The following TRAT1 variants were observed in gnomAD, a reference collection of about 807,000 sequenced individuals.
The protein encoded by TRAT1 is T cell receptor associated transmembrane adaptor 1, also known as T-cell receptor-associated transmembrane adapter 1.
In TRAT1, 20 loss-of-function variants were observed where a neutral mutation model predicts 20.0. That is an observed-to-expected ratio of 1.00 (90% CI 0.70 to 1.45). The LOEUF is 1.45. Among genes scored for constraint, TRAT1 ranks in the 40% most tolerant of loss-of-function variants. The probability of loss-of-function intolerance (pLI) is 0.00; values close to 1 mark genes in which losing one functional copy is unlikely to be tolerated. For synonymous variants in TRAT1, 77 were observed against 74.2 expected (o/e 1.04, Z -0.20); for missense variants, 237 against 224.1 (o/e 1.06, Z -0.37).
At chr3:108,835,044 AAAG>A (rs1162763846) in intron 2 of TRAT1, among the ~76,000 whole-genome samples, 5 of 152,136 alleles carry the variant, frequency 3.3e-5, no homozygotes, top group Admixed American at 6.5e-5. Flanking sequence ...TCTGGTTTGG[AAAG>A]AAGGATAAAC....
intron 5 of TRAT1, 132 bp from the exon 6 acceptor site, chr3:108,853,488 T>C: frequency 9.6e-7 from 1 of 1,046,436 alleles, no homozygotes; most frequent in East Asian, 2.4e-5. Flanking sequence ...TTTTTTGTAC[T>C]GACAAATTTG....
chr3:108,837,656 G>C (rs1945851766), intron 2 of TRAT1, among the ~76,000 whole-genome samples: 1 of 152,176 alleles, frequency 6.6e-6, no homozygotes, highest in Non-Finnish European at 1.5e-5. Flanking sequence ...CAGAGAGTTA[G>C]ATAATAGTGG....
chr3:108,828,766 T>C (rs1291025760), intron 1 of TRAT1, among the ~76,000 whole-genome samples: 1 of 152,232 alleles, frequency 6.6e-6, no homozygotes, highest in East Asian at 1.9e-4. Flanking sequence ...GATTTTATTT[T>C]CTGACTACAA....
At chr3:108,841,004 G>A (rs1273197806) in intron 3 of TRAT1, among the ~76,000 whole-genome samples, 1 of 152,236 alleles carries the variant, frequency 6.6e-6, no homozygotes, top group Non-Finnish European at 1.5e-5. Flanking sequence ...AAGCACTGAA[G>A]GATATCCTGT....
intron 3 of TRAT1, among the ~76,000 whole-genome samples, chr3:108,842,995 T>C (rs1945908464): frequency 6.6e-6 from 1 of 152,214 alleles, no homozygotes; most frequent in Non-Finnish European, 1.5e-5. Context: ...CTAGGATTTA[T>C]ATTCTTCCTC....
intron 3 of TRAT1, among the ~76,000 whole-genome samples, chr3:108,844,992 G>A (rs1207420458): frequency 6.6e-6 from 1 of 151,994 alleles, no homozygotes; most frequent in Non-Finnish European, 1.5e-5. Context: ...ATTATTTCAG[G>A]CATGTTCAGA....
In TRAT1 at chr3:108,822,815, T is replaced by C; in HGVS notation, c.-113T>C. ...CAGATAAAGATAAGTTTTACTGTCATGCTGCTTTTAACATAACAGAGCAAC... is the reference window on the plus strand; with the variant it reads ...CAGATAAAGATAAGTTTTACTGTCACGCTGCTTTTAACATAACAGAGCAAC... On this transcript the variant is annotated 5_prime_UTR_variant, in exon 1 of 6. An upstream start codon of the reference 5' UTR is lost. Transcript: ENST00000295756. 2.4e-6 allele frequency: 2 copies of C among 819,542 alleles called. No individual in the cohort carries two copies. The highest frequency in any genetic ancestry group is 4.0e-6 in the Non-Finnish European group (2 of 495,184). The allele number at this position is 819,542 out of a possible 1,614,324, so 50.8% of individuals were successfully genotyped here. A position where few individuals can be genotyped will look rare whatever the true frequency, so the allele number is the denominator to read the frequency against.
intron 2 of TRAT1, among the ~76,000 whole-genome samples, chr3:108,833,461 T>G (rs1464653870): frequency 1.3e-5 from 2 of 152,132 alleles, no homozygotes; most frequent in Non-Finnish European, 2.9e-5. Flanking sequence ...ATTTTGTTAT[T>G]TCAGGACAGA....
chr3:108,826,282 T>C (rs1945738341), intron 1 of TRAT1, among the ~76,000 whole-genome samples: 1 of 151,952 alleles, frequency 6.6e-6, no homozygotes. Context: ...TGAAAATAGG[T>C]ATCCAAAGCT....
At chr3:108,845,665 T>C (rs1945935888) in intron 3 of TRAT1, among the ~76,000 whole-genome samples, 1 of 152,220 alleles carries the variant, frequency 6.6e-6, no homozygotes, top group Admixed American at 6.5e-5. Flanking sequence ...TTCAGTGGCA[T>C]AGAGAGTAAT....
chr3:108,835,688 C>A (rs1220712107), intron 2 of TRAT1, among the ~76,000 whole-genome samples: 1 of 152,140 alleles, frequency 6.6e-6, no homozygotes, highest in Non-Finnish European at 1.5e-5. Flanking sequence ...CAGGTGCTCC[C>A]TTTAACCATT....
intron 4 of TRAT1, among the ~76,000 whole-genome samples, chr3:108,848,537 A>C (rs1041036506): frequency 4.6e-5 from 7 of 152,184 alleles, no homozygotes; most frequent in African/African-American, 1.7e-4. Context: ...CATAGGATGA[A>C]ATGAGTACAG....
chr3:108,848,434 G>C (rs1016599186), intron 4 of TRAT1, among the ~76,000 whole-genome samples: 3 of 152,170 alleles, frequency 2.0e-5, no homozygotes, highest in Admixed American at 6.5e-5. Context: ...CAGGTTACTG[G>C]CCATCCTATG....
intron 4 of TRAT1, among the ~76,000 whole-genome samples, chr3:108,848,068 T>C (rs1945964312): frequency 6.6e-6 from 1 of 152,214 alleles, no homozygotes; most frequent in African/African-American, 2.4e-5. Flanking sequence ...TTTGTCCCCA[T>C]TTCACTTTGG....
chr3:108,849,666 C>G (rs1329792749), intron 5 of TRAT1, among the ~76,000 whole-genome samples: 1 of 152,116 alleles, frequency 6.6e-6, no homozygotes, highest in African/African-American at 2.4e-5. Flanking sequence ...TAGCTAGATA[C>G]AAAACATCAT....
At chr3:108,839,140 T>C (rs1306237365) in intron 3 of TRAT1, 173 bp downstream of exon 3, 2 of 594,654 alleles carry the variant, frequency 3.4e-6, no homozygotes, top group African/African-American at 1.9e-5. Context: ...AACATTATTA[T>C]CTGTCCTAGT....
At chr3:108,842,512 A>C (rs1230196873) in intron 3 of TRAT1, among the ~76,000 whole-genome samples, 1 of 152,114 alleles carries the variant, frequency 6.6e-6, no homozygotes, top group East Asian at 1.9e-4. Context: ...TGTGTAACCA[A>C]AGTGTCTCTA....
chr3:108,829,674 G>C (rs927502004), intron 1 of TRAT1, among the ~76,000 whole-genome samples: 1 of 151,654 alleles, frequency 6.6e-6, no homozygotes, highest in African/African-American at 2.4e-5. Flanking sequence ...GATTATAATG[G>C]GGCTGAAAAA....
At chr3:108,823,101 G>A (rs1169880280) in intron 1 of TRAT1, among the ~76,000 whole-genome samples, 167 bp downstream of exon 1, 1 of 152,060 alleles carries the variant, frequency 6.6e-6, no homozygotes, top group Non-Finnish European at 1.5e-5. Flanking sequence ...ATGAGTATAA[G>A]TTGACATTTT....
Sources: gnomAD v4.1 joint callset for allele counts (sites outside exome capture counted in the v4.1 genomes callset) on GRCh38, gnomAD v4.1.1 for gene constraint, MANE v1.5 for transcripts, NCBI Gene and HGNC (gene_info 2026-07-23, HGNC 2026-07-21) for gene names.